Variants in EXOC4 observed in about 807,000 individuals in gnomAD.
EXOC4 encodes SEC8-like 1.
EXOC4 carries 71 observed loss-of-function variants against 107.2 expected under a neutral mutation model. The ratio of observed to expected loss-of-function variants is 0.66; its 90% CI spans 0.55 to 0.81. EXOC4 has a LOEUF of 0.81. Ranked by LOEUF, EXOC4 falls within the 30% of genes least tolerant of loss-of-function variation. EXOC4 has a pLI of 0.00. For synonymous variants in EXOC4, 456 were observed against 441.2 expected (o/e 1.03, Z -0.42); for missense variants, 1,108 against 1,189.6 (o/e 0.93, Z 1.01).
At chr7:133,672,712 A>G (rs1793974622) in intron 10 of EXOC4, among the ~76,000 whole-genome samples, 1 of 152,198 alleles carries the variant, frequency 6.6e-6, no homozygotes, top group African/African-American at 2.4e-5. Flanking sequence ...GGGGAAGACC[A>G]AAAGAAATCA....
At chr7:133,359,056 T>C (rs1796084190) in intron 6 of EXOC4, among the ~76,000 whole-genome samples, 2 of 152,190 alleles carry the variant, frequency 1.3e-5, no homozygotes, top group African/African-American at 4.8e-5. Context: ...TTATAAAACA[T>C]ACAAATTCAA....
At chr7:133,894,252 G>T (rs1368797538) in intron 11 of EXOC4, among the ~76,000 whole-genome samples, 8 of 79,552 alleles carry the variant, frequency 1.0e-4, no homozygotes, top group African/African-American at 6.6e-4. Context: ...TCTTCACGTA[G>T]TTCTCGAGCC....
intron 10 of EXOC4, among the ~76,000 whole-genome samples, chr7:133,712,543 C>T (rs989410514): frequency 2.7e-5 from 4 of 150,864 alleles, no homozygotes; most frequent in South Asian, 2.1e-4. Context: ...CAGGTTTGGC[C>T]GTGCCTCAAA....
Position 133,456,334 on chromosome 7 carries a change from A to G in EXOC4, c.1183-18994A>G, listed in dbSNP as rs530376563. On this transcript the variant is annotated intron_variant, in intron 7 of 17. Coordinates refer to ENST00000253861, the MANE Select transcript of EXOC4 (RefSeq NM_021807.4). ...CCCAGAAGAAAGAATGGCTGCACCAAGGTCAACAAAATGGGCAATAATTAT... is the reference window on the plus strand; with the variant it reads ...CCCAGAAGAAAGAATGGCTGCACCAGGGTCAACAAAATGGGCAATAATTAT... Among the ~76,000 whole-genome samples the G allele has an allele frequency of 9.8e-5, 15 of 152,300 alleles. No homozygotes were observed. In the South Asian group the frequency reaches 3.1e-3, roughly 32 times the overall value.
intron 7 of EXOC4, among the ~76,000 whole-genome samples, chr7:133,457,117 G>A (rs1798481095): frequency 6.6e-6 from 1 of 152,146 alleles, no homozygotes; most frequent in Non-Finnish European, 1.5e-5. Flanking sequence ...GGCCTTGAAA[G>A]GTGGTTGAAT....
intron 10 of EXOC4, among the ~76,000 whole-genome samples, chr7:133,764,026 C>G (rs1796086655): frequency 1.3e-5 from 2 of 152,196 alleles, no homozygotes; most frequent in South Asian, 4.1e-4. Flanking sequence ...AATTCTTTAA[C>G]CTTGTGACTT....
chr7:133,321,058 A>G (rs561231271), intron 5 of EXOC4, among the ~76,000 whole-genome samples: 3 of 152,176 alleles, frequency 2.0e-5, no homozygotes, highest in Non-Finnish European at 4.4e-5. Context: ...TGAAACAGTA[A>G]GATTGAGGGT....
chr7:133,497,761 C>T (rs1272258111), intron 9 of EXOC4, among the ~76,000 whole-genome samples: 1 of 151,970 alleles, frequency 6.6e-6, no homozygotes, highest in African/African-American at 2.4e-5. Context: ...GTCTGGGAAT[C>T]GAACCCTGGT....
intron 9 of EXOC4, among the ~76,000 whole-genome samples, chr7:133,579,941 C>T (rs867285971): frequency 1.8e-4 from 28 of 152,156 alleles, no homozygotes; most frequent in African/African-American, 6.0e-4. Flanking sequence ...GTGATCTGCC[C>T]GCCTTGGCCT....
intron 9 of EXOC4, among the ~76,000 whole-genome samples, chr7:133,575,264 A>G (rs1249472369): frequency 1.3e-5 from 2 of 152,132 alleles, no homozygotes; most frequent in African/African-American, 4.8e-5. Context: ...TTTCTGGTTC[A>G]TTCTATATAC....
At chr7:133,731,729 C>G (rs1795330359) in intron 10 of EXOC4, among the ~76,000 whole-genome samples, 1 of 152,058 alleles carries the variant, frequency 6.6e-6, no homozygotes, top group Non-Finnish European at 1.5e-5. Flanking sequence ...ATAATAAAAG[C>G]TTGTTTTTTC....
intron 14 of EXOC4, among the ~76,000 whole-genome samples, chr7:133,978,414 A>T (rs934789478): frequency 6.6e-6 from 1 of 152,074 alleles, no homozygotes; most frequent in African/African-American, 2.4e-5. Context: ...ATCCTTGGTG[A>T]CCCTTCATCT....
intron 10 of EXOC4, among the ~76,000 whole-genome samples, chr7:133,747,464 G>A (rs1795700413): frequency 6.6e-6 from 1 of 152,094 alleles, no homozygotes; most frequent in African/African-American, 2.4e-5. Context: ...TTTTCTTACA[G>A]GGAATAAACT....
At chr7:133,485,094 T>TAA (rs1294333074) in intron 9 of EXOC4, among the ~76,000 whole-genome samples, 1 of 128,986 alleles carries the variant, frequency 7.8e-6, no homozygotes, top group Admixed American at 8.2e-5. Context: ...AATAAATAAA[T>TAA]AAATAAATAA....
At chr7:133,424,296 A>G (rs1336863463) in intron 7 of EXOC4, among the ~76,000 whole-genome samples, 1 of 152,032 alleles carries the variant, frequency 6.6e-6, no homozygotes, top group African/African-American at 2.4e-5. Context: ...GAAGTTGTGC[A>G]CCTTCACTCC....
the EXOC4 span, among the ~76,000 whole-genome samples, chr7:134,079,289 G>C: frequency 6.6e-6 from 1 of 152,174 alleles, no homozygotes; most frequent in African/African-American, 2.4e-5. Context: ...ACTATGTTCT[G>C]TCAGCAGGAT....
At chr7:133,342,726 ATTCT>A (rs1795693327) in intron 5 of EXOC4, among the ~76,000 whole-genome samples, 2 of 144,110 alleles carry the variant, frequency 1.4e-5, no homozygotes, top group Admixed American at 6.9e-5. Context: ...TTTTTTTTTG[ATTCT>A]TTGTCTTTGT....
At chr7:133,484,995 G>T (rs1192332175) in intron 9 of EXOC4, among the ~76,000 whole-genome samples, 1 of 150,178 alleles carries the variant, frequency 6.7e-6, no homozygotes, top group Non-Finnish European at 1.5e-5. Context: ...CAGGAGAATC[G>T]CTTGAACCTG....
At position 133,381,445 on chromosome 7, in the gene EXOC4, G is replaced by A. The variant is rs981892950; in HGVS notation, c.1182+6443G>A. Among the ~76,000 whole-genome samples the A allele has an allele frequency of 2.0e-5, 3 of 152,126 alleles. No homozygotes were observed. In the East Asian group the frequency reaches 5.8e-4, roughly 29 times the overall value. ...TGATGAGTTGATCCTTGGAGGATTT[G>A]TAGAGGTAGAGGAGATGGGAAATGG... On this transcript the variant is annotated intron_variant, in intron 7 of 17. Coordinates refer to ENST00000253861, the MANE Select transcript of EXOC4 (RefSeq NM_021807.4).
Sources: allele counts gnomAD v4.1 joint callset (sites outside exome capture counted in the v4.1 genomes callset), GRCh38; gene constraint gnomAD v4.1.1; transcripts MANE v1.5; gene names NCBI Gene and HGNC (gene_info 2026-07-23, HGNC 2026-07-21).